The following USP24 variants were observed in gnomAD, a reference collection of about 807,000 sequenced individuals.
USP24 encodes ubiquitin specific peptidase 24, also known as ubiquitin carboxyl-terminal hydrolase 24.
In USP24, 97 loss-of-function variants were observed where a neutral mutation model predicts 361.6. The observed-to-expected ratio is 0.27, with a 90% CI of 0.23 to 0.32. The LOEUF is 0.32. Ranked by LOEUF, USP24 falls within the 10% of genes least tolerant of loss-of-function variation. The pLI is 1.00. For synonymous variants in USP24, 1,098 were observed against 1,124.6 expected, an observed-to-expected ratio of 0.98 and a Z score of 0.47; for missense variants, 2,353 against 3,165.6, an observed-to-expected ratio of 0.74 and a Z score of 6.16.
chr1:55,157,689 C>G (rs1392085522), intron 10 of USP24, among the ~76,000 whole-genome samples: 1 of 152,014 alleles, frequency 6.6e-6, no homozygotes, highest in Non-Finnish European at 1.5e-5. Flanking sequence ...AAAAGATTAG[C>G]TGGGCGTAGT....
intron 1 of USP24, among the ~76,000 whole-genome samples, chr1:55,181,879 G>A (rs1261841155): frequency 6.6e-6 from 1 of 152,132 alleles, no homozygotes; most frequent in African/African-American, 2.4e-5. Flanking sequence ...AAGGTTAAAT[G>A]AGGTCATAAG....
At chr1:55,115,669 A>G (rs1480967070) in intron 38 of USP24, among the ~76,000 whole-genome samples, 2 of 152,162 alleles carry the variant, frequency 1.3e-5, no homozygotes, top group East Asian at 3.9e-4. Context: ...ATCACTGGAT[A>G]TATACCCAAA....
chr1:55,210,701 T>C (rs67276129), intron 1 of USP24, among the ~76,000 whole-genome samples: 1 of 152,192 alleles, frequency 6.6e-6, no homozygotes, highest in Admixed American at 6.5e-5. Context: ...AGGACCAACT[T>C]TGGGGCTCTA....
In USP24 at chr1:55,213,198, G is replaced by C. The variant is rs147936393; in HGVS notation, c.324+1592C>G. The stretch of plus-strand genomic sequence containing the variant: ...TAGAAGGAACGAGGGAGGAGTGATA[G>C]GAACTGCCAATGAGAAGCTGATTTC... On this transcript the variant is annotated intron_variant, in intron 1 of 67. Coordinates refer to ENST00000294383, the MANE Select transcript of USP24 (RefSeq NM_015306.3). Among the ~76,000 whole-genome samples, 929 of 152,292 alleles carry C rather than the reference G, an allele frequency of 6.1e-3. 12 individuals are homozygous for C. Among genetic ancestry groups the C allele is most frequent in the African/African-American group, 0.021 (880 of 41,536 alleles).
chr1:55,148,411 T>C lies in USP24; in HGVS notation c.1968+52A>G, dbSNP rs1371456022. On this transcript the variant is annotated intron_variant, in intron 17 of 67. Coordinates refer to ENST00000294383, the MANE Select transcript of USP24 (RefSeq NM_015306.3). ...CAGCAATTTTAGCCATGTTTTGTTA[T>C]TGTAAAAGTTATGCAAGTAACTATA... is the stretch of plus-strand genomic sequence containing the variant. The C allele has an allele frequency of 5.1e-6, 7 of 1,363,992 alleles. No individual in the cohort carries two copies. The African/African-American group carries it at 5.9e-5, about 11-fold the overall frequency. 84.5% of individuals were successfully genotyped at this position (1,363,992 alleles called of 1,614,324 possible). A position where few individuals can be genotyped will look rare whatever the true frequency, so the allele number is the denominator to read the frequency against.
chr1:55,102,971 T>C (rs1265207542), intron 42 of USP24, among the ~76,000 whole-genome samples: 2 of 152,200 alleles, frequency 1.3e-5, no homozygotes, highest in African/African-American at 4.8e-5. Flanking sequence ...CTGTCCCCAC[T>C]TCCTTTCCTA....
intron 1 of USP24, among the ~76,000 whole-genome samples, chr1:55,179,650 A>C (rs1271152662): frequency 6.6e-6 from 1 of 152,100 alleles, no homozygotes; most frequent in Non-Finnish European, 1.5e-5. Flanking sequence ...GATCATTCTT[A>C]ACATTTTGTT....
At chr1:55,167,670 G>A (rs962437366) in intron 5 of USP24, among the ~76,000 whole-genome samples, 1 of 152,154 alleles carries the variant, frequency 6.6e-6, no homozygotes, top group African/African-American at 2.4e-5. Flanking sequence ...TGTGTGTGGA[G>A]AAGGATGGCA....
At chr1:55,105,294 T>C (rs1313806489) in intron 41 of USP24, among the ~76,000 whole-genome samples, 1 of 152,200 alleles carries the variant, frequency 6.6e-6, no homozygotes, top group Non-Finnish European at 1.5e-5. Context: ...GCCTGAGGAA[T>C]ACCCCAAGAG....
chr1:55,096,909 G>A, intron 49 of USP24, 43 bp downstream of exon 49: 1 of 1,585,184 alleles, frequency 6.3e-7, no homozygotes, highest in Non-Finnish European at 8.6e-7. Flanking sequence ...GGAGAGCAGG[G>A]GAGGGCAGAA....
At chr1:55,171,462 T>G in intron 5 of USP24, 94 bp downstream of exon 5, 1 of 1,416,214 alleles carries the variant, frequency 7.1e-7, no homozygotes, top group Non-Finnish European at 9.5e-7. Flanking sequence ...CAGATTGTTT[T>G]AATCCTCCCA....
Position 55,103,811 on chromosome 1 carries a change from T to C in USP24, c.5025+65A>G, listed in dbSNP as rs143055141. The stretch of plus-strand genomic sequence containing the variant: ...TGGTCAGCAGAATGCAAATACAGTC[T>C]TAAAATTATATGTTTCAGAGATCAT... On this transcript the variant is annotated intron_variant, in intron 42 of 67. Coordinates refer to ENST00000294383, the MANE Select transcript of USP24 (RefSeq NM_015306.3). The C allele has an allele frequency of 1.5e-3, 2,250 of 1,527,186 alleles. 27 individuals are homozygous for C. The African/African-American group carries it at 0.029, about 19-fold the overall frequency. The allele number at this position is 1,527,186 out of a possible 1,614,324, so 94.6% of individuals were successfully genotyped here. A position where few individuals can be genotyped will look rare whatever the true frequency, so the allele number is the denominator to read the frequency against.
At position 55,176,376 on chromosome 1, in the gene USP24, C is replaced by T; in HGVS notation, c.558G>A (p.Lys186=). 1 of 1,565,830 alleles carries T rather than the reference C, an allele frequency of 6.4e-7. No individual in the cohort carries two copies. Among genetic ancestry groups the T allele is most frequent in the Non-Finnish European group, 8.7e-7 (1 of 1,153,554 alleles). ...TATCACAGCAGCACATTTTTCTTAC[C>T]TTTTTAAATGCTTCAGGCATACACC... ...MDRCMPEAFK[K]LLTSSAVHKW... is the part of the protein sequence containing the mutation. Residue 186 remains lysine, a splice_region_variant and synonymous_variant, in exon 3 of 68, where the codon AAG becomes AAA. Transcript: ENST00000294383.
intron 16 of USP24, among the ~76,000 whole-genome samples, chr1:55,153,520 G>A (rs1647316138): frequency 6.6e-6 from 1 of 151,930 alleles, no homozygotes; most frequent in Non-Finnish European, 1.5e-5. Context: ...TCCTTTATGG[G>A]AGAAAAACAA....
chr1:55,162,082 T>C, intron 8 of USP24, 117 bp downstream of exon 8: 1 of 853,822 alleles, frequency 1.2e-6, no homozygotes, highest in East Asian at 3.3e-5. Flanking sequence ...GGACAGCTAA[T>C]GTGAAAAAAG....
chr1:55,125,206 T>A (rs1475494111), intron 34 of USP24, 114 bp downstream of exon 34: 2 of 961,902 alleles, frequency 2.1e-6, no homozygotes, highest in African/African-American at 3.3e-5. Context: ...ACCATAAATT[T>A]CTTGAAGGCA....
intron 55 of USP24, among the ~76,000 whole-genome samples, chr1:55,087,236 T>G (rs531045009): frequency 1.3e-5 from 2 of 152,318 alleles, no homozygotes; most frequent in Admixed American, 1.3e-4. Context: ...TAGCAATTGA[T>G]AGTGATGAGT....
rs1181585148 is a variant in USP24, at chr1:55,172,513, G to A, written c.566C>T (p.Thr189Ile). The A allele has an allele frequency of 3.7e-6, 6 of 1,610,294 alleles. No individual in the cohort carries two copies. The highest frequency in any genetic ancestry group is 5.1e-6 in the Non-Finnish European group (6 of 1,178,518). ...CMPEAFKKLL[T>I]SSAVHKWGTE... is the part of the protein sequence containing the mutation. ...ACCCCACTTGTGAACAGCACTTGAT[G>A]TCAGGAGCTATAAAAACATAAAGGG... The change falls in exon 4 of 68, where the codon ACA becomes ATA. Residue 189 changes from threonine to isoleucine, a missense_variant. Around this residue, in one of 8 missense-constraint regions of USP24, gnomAD observed 386 missense variants for 560.5 expected, o/e 0.69. Coordinates refer to ENST00000294383, the MANE Select transcript of USP24 (RefSeq NM_015306.3).
At chr1:55,210,355 T>A (rs1644819370) in intron 1 of USP24, among the ~76,000 whole-genome samples, 3 of 151,968 alleles carry the variant, frequency 2.0e-5, no homozygotes. Flanking sequence ...ATTATTTCAT[T>A]TTTTTACTCT....
Sources: gnomAD v4.1 joint callset for allele counts (sites outside exome capture counted in the v4.1 genomes callset) on GRCh38, gnomAD v4.1.1 for gene constraint, gnomAD v4.1.1 regional missense constraint, MANE v1.5 for transcripts, NCBI Gene and HGNC (gene_info 2026-07-23, HGNC 2026-07-21) for gene names.